TMEM135: variants seen among roughly 807,000 people sequenced by gnomAD.
TMEM135 encodes the protein peroxisomal membrane protein 52.
In TMEM135, 30 loss-of-function variants were observed where a neutral mutation model predicts 60.3. That is an observed-to-expected ratio of 0.50 (90% confidence interval 0.37 to 0.68). The LOEUF (loss-of-function observed/expected upper bound fraction) is 0.68, where lower values mean the gene tolerates loss of function less well. Among genes scored for constraint, TMEM135 ranks in the 30% least tolerant of loss-of-function variants. TMEM135 has a pLI of 0.00. For synonymous variants in TMEM135, 190 were observed against 186.7 expected, an observed-to-expected ratio of 1.02 and a Z score of -0.14; for missense variants, 468 against 548.8, an observed-to-expected ratio of 0.85 and a Z score of 1.47.
chr11:87,102,557 GCCAA>G (rs1857480152), intron 4 of TMEM135, among the ~76,000 whole-genome samples: 1 of 151,964 alleles, frequency 6.6e-6, no homozygotes, highest in Admixed American at 6.6e-5. Context: ...TTCCGTATGA[GCCAA>G]CCAATCTACT....
intron 4 of TMEM135, among the ~76,000 whole-genome samples, chr11:87,144,906 A>G (rs1342234165): frequency 3.3e-5 from 5 of 152,192 alleles, no homozygotes; most frequent in Non-Finnish European, 5.9e-5. Context: ...GAATAATTAA[A>G]TCAAGCTAGG....
chr11:87,223,201 TTCGCCC>T (rs1940683432), intron 5 of TMEM135, among the ~76,000 whole-genome samples: 1 of 151,266 alleles, frequency 6.6e-6, no homozygotes, highest in Non-Finnish European at 1.5e-5. Context: ...GTCTCGCACT[TTCGCCC>T]AGGCTGGAGC....
At chr11:87,311,997 CAG>C (rs780298651) in intron 10 of TMEM135, among the ~76,000 whole-genome samples, 3 of 151,736 alleles carry the variant, frequency 2.0e-5, no homozygotes, top group Admixed American at 6.6e-5. Context: ...TTTTAGGCTG[CAG>C]AGAGTTGGCC....
chr11:87,240,438 T>G (rs946000415), intron 6 of TMEM135, among the ~76,000 whole-genome samples: 2 of 152,130 alleles, frequency 1.3e-5, no homozygotes, highest in Non-Finnish European at 2.9e-5. Flanking sequence ...TTGAAATAAT[T>G]TCTTTACTTC....
intron 1 of TMEM135, among the ~76,000 whole-genome samples, chr11:87,061,287 G>T (rs1298977181): frequency 6.6e-6 from 1 of 152,064 alleles, no homozygotes; most frequent in Non-Finnish European, 1.5e-5. Context: ...AACAATGTAG[G>T]CATTTTTGGT....
chr11:87,180,606 A>G (rs1451987450), intron 5 of TMEM135, among the ~76,000 whole-genome samples: 1 of 152,168 alleles, frequency 6.6e-6, no homozygotes, highest in Non-Finnish European at 1.5e-5. Context: ...AAAAAGTTTG[A>G]TAACTGAACT....
chr11:87,149,761 TCA>T (rs1938508310), intron 4 of TMEM135, among the ~76,000 whole-genome samples: 1 of 152,236 alleles, frequency 6.6e-6, no homozygotes, highest in African/African-American at 2.4e-5. Flanking sequence ...GTCAAACTTT[TCA>T]CATTTACTTA....
At chr11:87,054,177 G>A (rs1234916075) in intron 1 of TMEM135, among the ~76,000 whole-genome samples, 1 of 151,918 alleles carries the variant, frequency 6.6e-6, no homozygotes, top group Non-Finnish European at 1.5e-5. Flanking sequence ...GCTTACACCT[G>A]TAATCCCAGC....
chr11:87,065,307 C>T (rs1466417459), intron 1 of TMEM135, among the ~76,000 whole-genome samples: 1 of 152,232 alleles, frequency 6.6e-6, no homozygotes, highest in Non-Finnish European at 1.5e-5. Context: ...CATATTTCCA[C>T]CAGTAATGCA....
At chr11:87,187,280 G>A (rs1237162840) in intron 5 of TMEM135, among the ~76,000 whole-genome samples, 1 of 152,200 alleles carries the variant, frequency 6.6e-6, no homozygotes, top group Non-Finnish European at 1.5e-5. Context: ...AGAGCAATAA[G>A]TTAGAGGGGC....
At chr11:87,294,899 T>C (rs1942323246) in intron 6 of TMEM135, among the ~76,000 whole-genome samples, 1 of 152,174 alleles carries the variant, frequency 6.6e-6, no homozygotes, top group South Asian at 2.1e-4. Flanking sequence ...CTGAGAATCT[T>C]TTTTTCTTAA....
rs773101893 is a variant in TMEM135, at chr11:87,327,408, C to A, written c.*6075C>A. 2.2e-6 allele frequency: 1 copy of A among 453,958 alleles called. No individual in the cohort carries two copies. Among genetic ancestry groups the A allele is most frequent in the Non-Finnish European group, 4.4e-6 (1 of 226,808 alleles). 28.1% of individuals were successfully genotyped at this position (453,958 alleles called of 1,614,324 possible). On this transcript the variant is annotated 3_prime_UTR_variant, in exon 15 of 15. Coordinates refer to ENST00000305494, the MANE Select transcript of TMEM135 (RefSeq NM_022918.4). The stretch of plus-strand genomic sequence containing the variant: ...AGAAAGAACCTGCTTCTGTGAGCCA[C>A]TGAATGGTGCCATTAACCATCTGCA...
intron 6 of TMEM135, among the ~76,000 whole-genome samples, chr11:87,292,148 C>G (rs753789441): frequency 6.6e-6 from 1 of 152,194 alleles, no homozygotes; most frequent in Non-Finnish European, 1.5e-5. Context: ...CAAATTTTAC[C>G]TCTCGGAGAG....
At chr11:87,142,855 C>CT (rs1472475338) in intron 4 of TMEM135, among the ~76,000 whole-genome samples, 1 of 151,424 alleles carries the variant, frequency 6.6e-6, no homozygotes, top group African/African-American at 2.4e-5. Flanking sequence ...TTTTCTTCCT[C>CT]TTTTTTTCTT....
At position 87,282,456 on chromosome 11, in the gene TMEM135, G is replaced by A. The variant is rs568726043; in HGVS notation, c.510-13326G>A. 9.9e-3 allele frequency among the ~76,000 whole-genome samples: 1,508 copies of A among 152,194 alleles called. 17 individuals are homozygous for A. The highest frequency in any genetic ancestry group is 0.017 in the Middle Eastern group (5 of 294). ...ATTTTTGTATTTTTAGTAGAGAAGGGATTTCACCATCTTGGCCAGGCTGGT... is the reference window on the plus strand; with the variant it reads ...ATTTTTGTATTTTTAGTAGAGAAGGAATTTCACCATCTTGGCCAGGCTGGT... On this transcript the variant is annotated intron_variant, in intron 6 of 14. Coordinates refer to ENST00000305494, the MANE Select transcript of TMEM135 (RefSeq NM_022918.4).
chr11:87,239,095 A>G lies in TMEM135; in HGVS notation c.509+2411A>G, dbSNP rs183253963. Among the ~76,000 whole-genome samples the G allele has an allele frequency of 2.0e-5, 3 of 152,162 alleles. No individual in the cohort carries two copies. In the East Asian group the frequency reaches 5.8e-4, roughly 29 times the overall value. On this transcript the variant is annotated intron_variant, in intron 6 of 14. Transcript: ENST00000305494. ...ACCCAGTATTTTTGGTGTAGAAAGA[A>G]AATCAACCCTATAAATATGTGTTTT...
At chr11:87,079,776 T>C (rs1230917404) in intron 3 of TMEM135, among the ~76,000 whole-genome samples, 1 of 151,968 alleles carries the variant, frequency 6.6e-6, no homozygotes, top group African/African-American at 2.4e-5. Flanking sequence ...TGTAATATTT[T>C]GTTATATGGC....
At chr11:87,124,869 C>T (rs1937681937) in intron 4 of TMEM135, among the ~76,000 whole-genome samples, 1 of 152,032 alleles carries the variant, frequency 6.6e-6, no homozygotes, top group Non-Finnish European at 1.5e-5. Flanking sequence ...TAAGCTTTTC[C>T]AGAGCTGGGA....
chr11:87,301,376 C>G (rs1942446318), intron 7 of TMEM135, among the ~76,000 whole-genome samples: 1 of 152,196 alleles, frequency 6.6e-6, no homozygotes, highest in East Asian at 1.9e-4. Flanking sequence ...ACGTCAGCCT[C>G]CCAAGTAGCT....
Sources: gnomAD v4.1 joint callset for allele counts (sites outside exome capture counted in the v4.1 genomes callset) on GRCh38, gnomAD v4.1.1 for gene constraint, MANE v1.5 for transcripts, NCBI Gene and HGNC (gene_info 2026-07-23, HGNC 2026-07-21) for gene names.